ZDHHC17: variants seen among roughly 807,000 people sequenced by gnomAD.
The protein encoded by ZDHHC17 is palmitoyltransferase ZDHHC17.
In ZDHHC17, 40 loss-of-function variants were observed where a neutral mutation model predicts 90.3. The ratio of observed to expected loss-of-function variants is 0.44; its 90% confidence interval spans 0.34 to 0.58. The LOEUF is 0.58. Among genes scored for constraint, ZDHHC17 ranks in the 20% least tolerant of loss-of-function variants. ZDHHC17 has a pLI of 0.01. For synonymous variants in ZDHHC17, 235 were observed against 252.4 expected (o/e 0.93, Z 0.65); for missense variants, 614 against 780.8 (o/e 0.79, Z 2.55).
At chr12:76,847,715 C>T (rs117011747) in intron 14 of ZDHHC17, among the ~76,000 whole-genome samples, 11,312 of 152,010 alleles carry the variant, frequency 0.074, 588 homozygotes, top group Non-Finnish European at 0.11. Flanking sequence ...AAAATTAGCC[C>T]GGTGTGGTAG....
intron 1 of ZDHHC17, among the ~76,000 whole-genome samples, chr12:76,775,466 A>G (rs1449929034): frequency 1.3e-5 from 2 of 152,226 alleles, no homozygotes; most frequent in Admixed American, 6.5e-5. Context: ...GCAATACAGT[A>G]ACTGATTTGT....
intron 10 of ZDHHC17, among the ~76,000 whole-genome samples, chr12:76,837,068 T>G (rs886692311): frequency 3.3e-5 from 5 of 152,194 alleles, no homozygotes; most frequent in African/African-American, 9.6e-5. Context: ...TAGATTTTGT[T>G]TATTTATCAT....
chr12:76,784,347 G>C (rs1251602412), intron 1 of ZDHHC17, among the ~76,000 whole-genome samples: 1 of 152,122 alleles, frequency 6.6e-6, no homozygotes, highest in Non-Finnish European at 1.5e-5. Flanking sequence ...ATTGAAACAA[G>C]AACAAACATC....
At chr12:76,846,274 T>G in intron 13 of ZDHHC17, 1 of 285,522 alleles carries the variant, frequency 3.5e-6, no homozygotes. Flanking sequence ...AACCTTTGGA[T>G]TGTAAAGTTT....
intron 2 of ZDHHC17, among the ~76,000 whole-genome samples, chr12:76,799,937 G>A (rs1952866752): frequency 6.6e-6 from 1 of 152,128 alleles, no homozygotes; most frequent in Admixed American, 6.6e-5. Context: ...AAACATGTTT[G>A]TTTATGTTTC....
In ZDHHC17 at chr12:76,788,688, A is replaced by ATTTTTTTTTTTTTTTTTTTTTTTTTTTT. The variant is rs763269507; in HGVS notation, c.94-8720_94-8719insTTTTTTTTTTTTTTTTTTTTTTTTTTTT. Among the ~76,000 whole-genome samples, 7 of 98,648 alleles carry ATTTTTTTTTTTTTTTTTTTTTTTTTTTT rather than the reference A, an allele frequency of 7.1e-5. 2 individuals carry two copies. The highest frequency in any genetic ancestry group is 8.0e-5 in the African/African-American group (2 of 25,098). The allele number at this position is 98,648 out of a possible 152,430, so 64.7% of individuals were successfully genotyped here. On this transcript the variant is annotated intron_variant, in intron 1 of 16. Transcript: ENST00000426126. ...AAAATATATTTAAGTTGGAATCGCA[A>ATTTTTTTTTTTTTTTTTTTTTTTTTTTT]TTTTTTTTTTTTTTTTTTTTTTTTT...
rs10714920 is a variant in ZDHHC17, at chr12:76,853,435, GT to G, written c.*2458del. 92,935 of 152,132 alleles carry G rather than the reference GT, an allele frequency of 0.61. 28,440 individuals carry two copies. The highest frequency in any genetic ancestry group is 0.67 in the East Asian group (3,470 of 5,170). The allele number at this position is 152,132 out of a possible 1,614,324, so 9.4% of individuals were successfully genotyped here. A position where few individuals can be genotyped will look rare whatever the true frequency, so the allele number is the denominator to read the frequency against. On this transcript the variant is annotated 3_prime_UTR_variant, in exon 17 of 17. Coordinates refer to ENST00000426126, the MANE Select transcript of ZDHHC17 (RefSeq NM_015336.4). ...ACTGAACATGAATTACTTCCTTGGA[GT>G]TTTTTTTCATTCATATTTTTGTTGT... is the stretch of plus-strand genomic sequence containing the variant.
chr12:76,801,373 G>A (rs2137751299), intron 2 of ZDHHC17, among the ~76,000 whole-genome samples: 2 of 151,722 alleles, frequency 1.3e-5, no homozygotes, highest in South Asian at 4.2e-4. Context: ...CTAAAGTTGG[G>A]CCGGGCACGG....
intron 5 of ZDHHC17, among the ~76,000 whole-genome samples, chr12:76,814,569 CATCTT>C (rs1393463261): frequency 6.6e-6 from 1 of 151,786 alleles, no homozygotes; most frequent in Non-Finnish European, 1.5e-5. Flanking sequence ...GCAATTCAAA[CATCTT>C]ATTTAAAGAT....
chr12:76,794,033 C>T (rs1319907998), intron 1 of ZDHHC17, among the ~76,000 whole-genome samples: 1 of 151,966 alleles, frequency 6.6e-6, no homozygotes, highest in African/African-American at 2.4e-5. Flanking sequence ...CTACAGGCGC[C>T]TGCCACCATG....
intron 14 of ZDHHC17, 144 bp from the exon 15 acceptor site, chr12:76,848,089 G>T: frequency 1.4e-6 from 1 of 714,218 alleles, no homozygotes; most frequent in Non-Finnish European, 2.2e-6. Flanking sequence ...GGTTATTTAA[G>T]AGTATAAAGA....
At chr12:76,842,187 T>C in intron 11 of ZDHHC17, 81 bp downstream of exon 11, 1 of 1,325,496 alleles carries the variant, frequency 7.5e-7, no homozygotes. Flanking sequence ...GACAGAGGAA[T>C]TAACTATCGT....
intron 1 of ZDHHC17, among the ~76,000 whole-genome samples, chr12:76,786,326 G>A (rs1388199271): frequency 6.6e-6 from 1 of 151,934 alleles, no homozygotes; most frequent in East Asian, 1.9e-4. Context: ...CTGTCGTCCA[G>A]GCTGTAGTGC....
intron 8 of ZDHHC17, among the ~76,000 whole-genome samples, chr12:76,826,309 A>C (rs10778945): frequency 6.6e-6 from 1 of 151,950 alleles, no homozygotes; most frequent in African/African-American, 2.4e-5. Context: ...TTTAACAACC[A>C]GACCAGTACA....
At chr12:76,848,505 T>G in intron 15 of ZDHHC17, 115 bp downstream of exon 15, 1 of 1,196,130 alleles carries the variant, frequency 8.4e-7, no homozygotes, top group Non-Finnish European at 1.1e-6. Context: ...ATTCATTTTA[T>G]TTTTCAATTT....
rs1170710153 is a variant in ZDHHC17, at chr12:76,852,407, CTGTG to C, written c.*1424_*1427del. On this transcript the variant is annotated 3_prime_UTR_variant, in exon 17 of 17. Transcript: ENST00000426126. The stretch of plus-strand genomic sequence containing the variant: ...TTATCAAATAGTTTTCTCTTTGTGT[CTGTG>C]TTAGTGTTTTTAAAGCTGCTCATTT... 2 of 152,544 alleles carry C rather than the reference CTGTG, an allele frequency of 1.3e-5. No homozygotes were observed. The highest frequency in any genetic ancestry group is 3.9e-4 in the East Asian group (2 of 5,188). The allele number at this position is 152,544 out of a possible 1,614,324, so 9.4% of individuals were successfully genotyped here.
chr12:76,819,422 A>C (rs567398755), intron 7 of ZDHHC17, among the ~76,000 whole-genome samples: 7 of 152,168 alleles, frequency 4.6e-5, no homozygotes, highest in Non-Finnish European at 1.0e-4. Flanking sequence ...ATAATAGTGG[A>C]TTGTAACGAT....
intron 7 of ZDHHC17, among the ~76,000 whole-genome samples, chr12:76,816,718 G>GTAT (rs1953092109): frequency 6.6e-6 from 1 of 151,942 alleles, no homozygotes; most frequent in Non-Finnish European, 1.5e-5. Context: ...ATGTTCCAAG[G>GTAT]AATAGTTTGT....
In ZDHHC17 at chr12:76,788,688, A is replaced by ATATTTTTTTTTTTTTTTTTTTTT. The variant is rs61663401; in HGVS notation, c.94-8745_94-8744insATTTTTTTTTTTTTTTTTTTTTT. The stretch of plus-strand genomic sequence containing the variant: ...AAAATATATTTAAGTTGGAATCGCA[A>ATATTTTTTTTTTTTTTTTTTTTT]TTTTTTTTTTTTTTTTTTTTTTTTT... On this transcript the variant is annotated intron_variant, in intron 1 of 16. Coordinates refer to ENST00000426126, the MANE Select transcript of ZDHHC17 (RefSeq NM_015336.4). 1.6e-3 allele frequency among the ~76,000 whole-genome samples: 158 copies of ATATTTTTTTTTTTTTTTTTTTTT among 98,648 alleles called. 41 individuals carry two copies. The highest frequency in any genetic ancestry group is 4.4e-3 in the Admixed American group (33 of 7,468). The allele number at this position is 98,648 out of a possible 152,430, so 64.7% of individuals were successfully genotyped here.
Sources: allele counts gnomAD v4.1 joint callset (sites outside exome capture counted in the v4.1 genomes callset), GRCh38; gene constraint gnomAD v4.1.1; transcripts MANE v1.5; gene names NCBI Gene and HGNC (gene_info 2026-07-23, HGNC 2026-07-21).